HMCN2: variants seen among roughly 807,000 people sequenced by gnomAD.
The protein encoded by HMCN2 is hemicentin-2.
A neutral mutation model predicts 377.5 loss-of-function variants in HMCN2; 325 were observed. The ratio of observed to expected loss-of-function variants is 0.86; its 90% CI spans 0.79 to 0.94. HMCN2 has a LOEUF of 0.94. HMCN2 is among the 40% of genes least tolerant of loss of function. HMCN2 has a pLI of 0.00. For missense variants in HMCN2, 4,543 were observed against 4,725.3 expected (o/e 0.96, Z 1.13); for synonymous variants, 2,007 against 2,046.8 (o/e 0.98, Z 0.53).
intron 8 of HMCN2, among the ~76,000 whole-genome samples, chr9:130,300,074 C>T (rs118156971): frequency 0.024 from 3,704 of 151,190 alleles, 54 homozygotes; most frequent in Non-Finnish European, 0.032. Context: ...CATCTATCCA[C>T]TCACCCATCC....
intron 8 of HMCN2, among the ~76,000 whole-genome samples, chr9:130,299,524 T>C (rs1330942589): frequency 1.4e-5 from 2 of 146,584 alleles, no homozygotes; most frequent in East Asian, 3.9e-4. Flanking sequence ...TTCATCCATC[T>C]ACCCATTCAT....
intron 80 of HMCN2, 81 bp from the exon 81 acceptor site, chr9:130,404,787 TG>T: frequency 9.8e-7 from 1 of 1,019,598 alleles, no homozygotes; most frequent in Non-Finnish European, 1.3e-6. Flanking sequence ...GCTGAAGGGC[TG>T]GGCCAAAGGC....
At chr9:130,430,175 C>T in intron 94 of HMCN2, 109 bp from the exon 95 acceptor site, 1 of 939,076 alleles carries the variant, frequency 1.1e-6, no homozygotes, top group Non-Finnish European at 1.6e-6. Context: ...ATGGGAGTGG[C>T]TGGATTCTAG....
intron 1 of HMCN2, among the ~76,000 whole-genome samples, chr9:130,267,472 A>ACGCG (rs879969560): frequency 7.5e-6 from 1 of 133,598 alleles, no homozygotes; most frequent in East Asian, 2.4e-4. Context: ...ACACACACAC[A>ACGCG]CACACGCACA....
chr9:130,349,387 C>A (rs1163166253), intron 28 of HMCN2, 150 bp from the exon 29 acceptor site: 4 of 950,768 alleles, frequency 4.2e-6, no homozygotes, highest in African/African-American at 3.5e-5. Context: ...CCAGAGCAAG[C>A]CCTTCTGGCC....
intron 80 of HMCN2, 75 bp downstream of exon 80, chr9:130,403,950 T>G: frequency 8.2e-7 from 1 of 1,216,464 alleles, no homozygotes; most frequent in South Asian, 1.4e-5. Context: ...TTCTCCCTTC[T>G]CTGCCTGGCA....
At chr9:130,356,692 G>T in intron 34 of HMCN2, among the ~76,000 whole-genome samples, 1 of 152,174 alleles carries the variant, frequency 6.6e-6, no homozygotes, top group East Asian at 1.9e-4. Flanking sequence ...TTTCTCATCT[G>T]CACTGCCCAG....
chr9:130,402,580 G>A (rs1243146047), intron 77 of HMCN2, among the ~76,000 whole-genome samples: 1 of 152,226 alleles, frequency 6.6e-6, no homozygotes, highest in East Asian at 1.9e-4. Context: ...GAGAGTGGAA[G>A]GAACTCGCCC....
intron 22 of HMCN2, among the ~76,000 whole-genome samples, chr9:130,331,007 A>ACACACACACAC (rs1838396280): frequency 9.9e-5 from 15 of 150,774 alleles, no homozygotes; most frequent in East Asian, 1.9e-4. Flanking sequence ...ACACACACAC[A>ACACACACACAC]AATAGCCGGA....
intron 54 of HMCN2, 69 bp downstream of exon 54, chr9:130,379,536 T>A: frequency 1.4e-6 from 1 of 705,792 alleles, no homozygotes; most frequent in Non-Finnish European, 1.7e-6. Context: ...TGTGTGACCT[T>A]AAGCAGAGCA....
Position 130,424,832 on chromosome 9 carries a change from A to T in HMCN2, c.13438A>T (p.Arg4480Ter). 1 of 1,517,246 alleles carries T rather than the reference A, an allele frequency of 6.6e-7. No homozygotes were observed. Among genetic ancestry groups the T allele is most frequent in the Non-Finnish European group, 8.9e-7 (1 of 1,128,222 alleles). The allele number at this position is 1,517,246 out of a possible 1,614,324, so 94.0% of individuals were successfully genotyped here. ...CGCCCCCATCTACTGGGCCCTGGCC[A>T]GAGAGAGTGGGGAAGCCCTGAATGG... ...TIAPIYWALARESGEALNGHS... is the reference protein window; with the variant it reads ...TIAPIYWALA The change falls in exon 88 of 98, where the codon AGA (arginine) becomes TGA (stop). Residue 4480 changes from arginine (R) to a stop codon, truncating the protein, a stop_gained. Coordinates refer to ENST00000683500, the MANE Select transcript of HMCN2 (RefSeq NM_001291815.2). LOFTEE classifies it high-confidence loss of function.
intron 48 of HMCN2, among the ~76,000 whole-genome samples, chr9:130,373,879 C>CATGGATGG (rs146554897): frequency 0.023 from 2,995 of 130,526 alleles, 73 homozygotes; most frequent in African/African-American, 0.031. Flanking sequence ...TGGATGGGTG[C>CATGGATGG]ATGGATGGAT....
rs1176158706 is a variant in HMCN2, at chr9:130,368,319, G to A, written c.6669G>A (p.Ser2223=). 3.0e-6 allele frequency: 3 copies of A among 985,668 alleles called. No homozygotes were observed. Among genetic ancestry groups the A allele is most frequent in the African/African-American group, 3.5e-5 (2 of 57,310 alleles). The allele number at this position is 985,668 out of a possible 1,614,324, so 61.1% of individuals were successfully genotyped here. Residue 2223 remains serine (S), a synonymous_variant, in exon 44 of 98, where the codon TCG becomes TCA. Transcript: ENST00000683500. The stretch of plus-strand genomic sequence containing the variant: ...AGGGGGCTGGCCTCCAGCACGTGTC[G>A]GCTGTGGGGAGGCTGTTGTACCTGG... ...PGEGAGLQHV[S]AVGRLLYLGQ...
intron 94 of HMCN2, 149 bp downstream of exon 94, chr9:130,429,834 G>C: frequency 7.3e-7 from 1 of 1,372,634 alleles, no homozygotes; most frequent in Middle Eastern, 2.6e-4. Flanking sequence ...TAAGGCGCCA[G>C]TGCTGTTGAG....
Position 130,377,212 on chromosome 9 carries a change from C to T in HMCN2, c.8062-437C>T, listed in dbSNP as rs185960761. Among the ~76,000 whole-genome samples the T allele has an allele frequency of 8.7e-3, 1,316 of 151,950 alleles. 20 individuals carry two copies. The highest frequency in any genetic ancestry group is 0.03 in the African/African-American group (1,229 of 41,426). ...CACTGCAGCCTCTGCCTCCTGGGTT[C>T]AAGTGATTCTCCTGCCTCAGCCTCC... On this transcript the variant is annotated intron_variant, in intron 52 of 97. Transcript: ENST00000683500.
chr9:130,409,984 C>T (rs1014980549), intron 84 of HMCN2, among the ~76,000 whole-genome samples: 1 of 152,226 alleles, frequency 6.6e-6, no homozygotes, highest in Non-Finnish European at 1.5e-5. Context: ...AGTTCCATCA[C>T]ATATCCATGG....
chr9:130,432,487 C>T lies in HMCN2; in HGVS notation c.14826C>T (p.Asn4942=), dbSNP rs1376219451. Residue 4942 remains asparagine (N), a synonymous_variant, in exon 97 of 98, where the codon AAC becomes AAT. Transcript: ENST00000683500. ...GTGGACCCGGCCAGATGTGCTTCAA[C>T]ACCCGTGGCAGCTACCAGTGTGTGG... ...IECGPGQMCF[N]TRGSYQCVDT... The T allele has an allele frequency of 6.4e-7, 1 of 1,550,694 alleles. No homozygotes were observed. Among genetic ancestry groups the T allele is most frequent in the Non-Finnish European group, 8.7e-7 (1 of 1,147,044 alleles).
chr9:130,342,100 G>A (rs1839089947), intron 24 of HMCN2, among the ~76,000 whole-genome samples: 1 of 152,150 alleles, frequency 6.6e-6, no homozygotes, highest in Admixed American at 6.5e-5. Flanking sequence ...ACCACTCATG[G>A]CCCCTTGTGT....
intron 36 of HMCN2, among the ~76,000 whole-genome samples, chr9:130,358,712 C>T (rs1207408173): frequency 6.6e-6 from 1 of 151,040 alleles, no homozygotes. Context: ...CTCGCTCTGT[C>T]GCCCAGGCTG....
Sources: allele counts gnomAD v4.1 joint callset (sites outside exome capture counted in the v4.1 genomes callset), GRCh38; gene constraint gnomAD v4.1.1; transcripts MANE v1.5; gene names NCBI Gene and HGNC (gene_info 2026-07-23, HGNC 2026-07-21).